The following SLC25A24 variants were observed in gnomAD, a reference collection of about 807,000 sequenced individuals.
SLC25A24 encodes the protein mitochondrial adenyl nucleotide antiporter SLC25A24.
A neutral mutation model predicts 60.7 loss-of-function variants in SLC25A24; 49 were observed. That is an observed-to-expected ratio of 0.81 (90% confidence interval 0.64 to 1.02). The LOEUF (loss-of-function observed/expected upper bound fraction) is 1.02. Among genes scored for constraint, SLC25A24 ranks in the 50% least tolerant of loss-of-function variants. The pLI is 0.00. For synonymous variants in SLC25A24, 202 were observed against 200.6 expected (o/e 1.01, Z -0.06); for missense variants, 564 against 586.3 (o/e 0.96, Z 0.39).
intron 1 of SLC25A24, among the ~76,000 whole-genome samples, chr1:108,197,967 T>A (rs185477889): frequency 6.6e-6 from 1 of 152,268 alleles, no homozygotes; most frequent in Admixed American, 6.5e-5. Flanking sequence ...GAGACTGAAT[T>A]AGTTCCCTCA....
chr1:108,164,859 T>C (rs1444446078), intron 3 of SLC25A24, among the ~76,000 whole-genome samples: 1 of 94,774 alleles, frequency 1.1e-5, no homozygotes, highest in Non-Finnish European at 2.2e-5. Flanking sequence ...TGCTCTTGCT[T>C]TTCTAGTTCT....
At chr1:108,160,818 T>G (rs1166308798) in intron 4 of SLC25A24, among the ~76,000 whole-genome samples, 1 of 152,096 alleles carries the variant, frequency 6.6e-6, no homozygotes, top group African/African-American at 2.4e-5. Context: ...GGCGTGGCGG[T>G]GCGCGCCTGC....
chr1:108,172,465 T>C (rs1436888393), intron 3 of SLC25A24, among the ~76,000 whole-genome samples: 2 of 152,196 alleles, frequency 1.3e-5, no homozygotes, highest in African/African-American at 4.8e-5. Flanking sequence ...CTTTTACTCA[T>C]GGCTGAAGAA....
intron 7 of SLC25A24, among the ~76,000 whole-genome samples, chr1:108,145,121 G>GT (rs1254661122): frequency 6.6e-6 from 1 of 151,930 alleles, no homozygotes; most frequent in African/African-American, 2.4e-5. Context: ...ACTAACTGGC[G>GT]TGAGATGGTA....
Position 108,200,203 on chromosome 1 carries a change from C to T in SLC25A24, c.-65G>A. ...GGAGATCGAGGGCTGCGGGGCGAGA[C>T]CGGGACCAGCGCGAGGCCGGGCTGG... On this transcript the variant is annotated 5_prime_UTR_variant, in exon 1 of 10. Transcript: ENST00000565488. 1 of 1,439,816 alleles carries T rather than the reference C, an allele frequency of 6.9e-7. No individual in the cohort carries two copies. 89.2% of individuals were successfully genotyped at this position (1,439,816 alleles called of 1,614,324 possible).
At chr1:108,189,601 G>A (rs1648272295) in intron 1 of SLC25A24, among the ~76,000 whole-genome samples, 1 of 152,094 alleles carries the variant, frequency 6.6e-6, no homozygotes, top group Non-Finnish European at 1.5e-5. Flanking sequence ...GATCACTTGA[G>A]GTCAGAAGTA....
chr1:108,148,269 T>G lies in SLC25A24; in HGVS notation c.930+10A>C. 1 of 1,496,218 alleles carries G rather than the reference T, an allele frequency of 6.7e-7. No individual in the cohort carries two copies. Among genetic ancestry groups the G allele is most frequent in the African/African-American group, 1.4e-5 (1 of 72,762 alleles). 92.7% of individuals were successfully genotyped at this position (1,496,218 alleles called of 1,614,324 possible). ...ACCATCACACAGTCAGACTTGACAA[T>G]GGTACTCACCTCCATTGGATATATA... is the stretch of plus-strand genomic sequence containing the variant. On this transcript the variant is annotated intron_variant, in intron 7 of 9. Coordinates refer to ENST00000565488, the MANE Select transcript of SLC25A24 (RefSeq NM_013386.5).
chr1:108,198,571 T>C (rs1301870192), intron 1 of SLC25A24: 1 of 152,238 alleles, frequency 6.6e-6, no homozygotes, highest in Admixed American at 6.5e-5. Context: ...ACATATACTA[T>C]GACACAAACA....
intron 3 of SLC25A24, among the ~76,000 whole-genome samples, chr1:108,163,115 C>T (rs1473603974): frequency 2.2e-4 from 28 of 127,952 alleles, no homozygotes; most frequent in Non-Finnish European, 3.9e-4. Context: ...AGATATGCGG[C>T]GTTATTTCTG....
chr1:108,160,266 A>C (rs1368549230), intron 4 of SLC25A24, among the ~76,000 whole-genome samples: 1 of 145,184 alleles, frequency 6.9e-6, no homozygotes, highest in Admixed American at 6.8e-5. Flanking sequence ...CGCTCCCCAC[A>C]TCTCAGACGA....
chr1:108,200,178 G>A lies in SLC25A24; in HGVS notation c.-40C>T. ...AGGCGGCCTGGCCGAGGAAGTCACG[G>A]GAGATCGAGGGCTGCGGGGCGAGAC... On this transcript the variant is annotated 5_prime_UTR_variant, in exon 1 of 10. Coordinates refer to ENST00000565488, the MANE Select transcript of SLC25A24 (RefSeq NM_013386.5). 1 of 1,513,862 alleles carries A rather than the reference G, an allele frequency of 6.6e-7. No individual in the cohort carries two copies. The highest frequency in any genetic ancestry group is 8.8e-7 in the Non-Finnish European group (1 of 1,133,944). The allele number at this position is 1,513,862 out of a possible 1,614,324, so 93.8% of individuals were successfully genotyped here.
intron 1 of SLC25A24, among the ~76,000 whole-genome samples, chr1:108,189,791 G>A (rs1210108650): frequency 6.7e-6 from 1 of 149,354 alleles, no homozygotes; most frequent in Non-Finnish European, 1.5e-5. Flanking sequence ...ACTCAGCCTG[G>A]GTGACAGAGT....
At chr1:108,180,534 AG>A (rs1647876846) in intron 3 of SLC25A24, among the ~76,000 whole-genome samples, 2 of 151,800 alleles carry the variant, frequency 1.3e-5, no homozygotes, top group African/African-American at 2.4e-5. Flanking sequence ...TAGCATCTTT[AG>A]GGGGTAAAGT....
intron 3 of SLC25A24, among the ~76,000 whole-genome samples, chr1:108,179,256 T>C (rs1227897474): frequency 6.6e-6 from 1 of 152,038 alleles, no homozygotes; most frequent in Non-Finnish European, 1.5e-5. Flanking sequence ...TTGGCAAGTA[T>C]GTAGAGAAAA....
intron 3 of SLC25A24, among the ~76,000 whole-genome samples, chr1:108,165,607 G>T (rs1017254507): frequency 6.6e-6 from 1 of 152,052 alleles, no homozygotes; most frequent in African/African-American, 2.4e-5. Context: ...CAGAGACTAG[G>T]ATTGCAACCC....
intron 6 of SLC25A24, among the ~76,000 whole-genome samples, chr1:108,149,483 A>T (rs1423216600): frequency 1.3e-5 from 2 of 152,212 alleles, no homozygotes; most frequent in Non-Finnish European, 1.5e-5. Context: ...ATTACAAAAA[A>T]ATAATACTTG....
intron 3 of SLC25A24, among the ~76,000 whole-genome samples, chr1:108,174,040 A>G (rs1647576850): frequency 6.6e-6 from 1 of 152,252 alleles, no homozygotes; most frequent in South Asian, 2.1e-4. Flanking sequence ...GATGTGACAG[A>G]AAAGAAAAAT....
chr1:108,161,939 C>T (rs1392001812), intron 3 of SLC25A24, among the ~76,000 whole-genome samples: 9 of 125,720 alleles, frequency 7.2e-5, no homozygotes, highest in African/African-American at 2.6e-4. Flanking sequence ...CAATGCCATC[C>T]CTCCCCCTCC....
intron 1 of SLC25A24, 131 bp downstream of exon 1, chr1:108,199,825 G>C: frequency 2.8e-6 from 2 of 712,414 alleles, no homozygotes; most frequent in Non-Finnish European, 4.5e-6. Flanking sequence ...GAAGCCACCG[G>C]AGCGCTGGGC....
Sources: gnomAD v4.1 joint callset for allele counts (sites outside exome capture counted in the v4.1 genomes callset) on GRCh38, gnomAD v4.1.1 for gene constraint, MANE v1.5 for transcripts, NCBI Gene and HGNC (gene_info 2026-07-23, HGNC 2026-07-21) for gene names.